Variants in METTL8 observed in about 807,000 individuals in gnomAD.
METTL8 encodes the protein methyltransferase 8, tRNA N3-cytidine.
A neutral mutation model predicts 48.7 loss-of-function variants in METTL8; 32 were observed. That is an observed-to-expected ratio of 0.66 (90% CI 0.50 to 0.88). The LOEUF is 0.88. METTL8 is among the 40% of genes least tolerant of loss of function. The pLI, the probability that METTL8 is intolerant of heterozygous loss-of-function variation, is 0.00. For synonymous variants in METTL8, 136 were observed against 157.1 expected, an observed-to-expected ratio of 0.87 and a Z score of 1.01; for missense variants, 464 against 474.4, an observed-to-expected ratio of 0.98 and a Z score of 0.20.
intron 5 of METTL8, among the ~76,000 whole-genome samples, chr2:171,335,681 T>G (rs1686012408): frequency 1.3e-5 from 2 of 152,148 alleles, no homozygotes; most frequent in African/African-American, 4.8e-5. Flanking sequence ...TGCCTCGTCC[T>G]CCCAAAGTGC....
chr2:171,328,243 G>A (rs1482726284), intron 7 of METTL8, among the ~76,000 whole-genome samples: 2 of 151,978 alleles, frequency 1.3e-5, no homozygotes, highest in African/African-American at 2.4e-5. Context: ...GATAAAAAAT[G>A]TATTGACTGC....
intron 1 of METTL8, among the ~76,000 whole-genome samples, chr2:171,408,463 T>C (rs1025458452): frequency 1.3e-5 from 2 of 152,080 alleles, no homozygotes; most frequent in Non-Finnish European, 2.9e-5. Context: ...CTTGGCTTTT[T>C]TTATTTTTAG....
chr2:171,427,811 G>GT (rs1157926705), intron 1 of METTL8, among the ~76,000 whole-genome samples: 1 of 152,072 alleles, frequency 6.6e-6, no homozygotes, highest in African/African-American at 2.4e-5. Context: ...CCTCCCACCT[G>GT]TAGGGACCCT....
rs141040145 is a variant in METTL8, at chr2:171,358,717, A to T, written c.235+1705T>A. 1.9e-3 allele frequency among the ~76,000 whole-genome samples: 291 copies of T among 152,118 alleles called. 7 individuals carry two copies. In the East Asian group the frequency reaches 0.029, roughly 15 times the overall value. The stretch of plus-strand genomic sequence containing the variant: ...AACTATGAAATTACTAGAAGAAAAC[A>T]TTGGGGGAAATGCTCCAGGACATTG... On this transcript the variant is annotated intron_variant, in intron 3 of 9. Transcript: ENST00000375258.
rs1362859001 is a variant in METTL8, at chr2:171,318,923, G to A, written c.*5249C>T. The stretch of plus-strand genomic sequence containing the variant: ...TTACTAGATGTGGTATCCTGAGCAA[G>A]TTACCCAACATCTCTTCTGTAAATG... On this transcript the variant is annotated 3_prime_UTR_variant, in exon 10 of 10. Coordinates refer to ENST00000375258, the MANE Select transcript of METTL8 (RefSeq NM_001321154.2). The A allele has an allele frequency of 6.6e-6, 1 of 151,980 alleles. No individual in the cohort carries two copies. The highest frequency in any genetic ancestry group is 1.9e-4 in the East Asian group (1 of 5,190). The allele number at this position is 151,980 out of a possible 1,614,324, so 9.4% of individuals were successfully genotyped here.
intron 7 of METTL8, among the ~76,000 whole-genome samples, chr2:171,329,597 G>C (rs994256095): frequency 3.3e-5 from 5 of 152,164 alleles, no homozygotes; most frequent in African/African-American, 1.2e-4. Flanking sequence ...TACCTCACTA[G>C]GTGCTAAAGT....
intron 3 of METTL8, among the ~76,000 whole-genome samples, chr2:171,341,667 C>G (rs149084588): frequency 5.9e-5 from 9 of 151,918 alleles, no homozygotes; most frequent in Non-Finnish European, 1.2e-4. Context: ...CTACTGTAGA[C>G]GCATGCCATT....
Position 171,337,427 on chromosome 2 carries a change from GTAGA to G in METTL8, c.656+22_656+25del, listed in dbSNP as rs762337522. 3.4e-5 allele frequency: 53 copies of G among 1,543,490 alleles called. No individual in the cohort carries two copies. In the African/African-American group the frequency reaches 7.2e-4, roughly 21 times the overall value. On this transcript the variant is annotated intron_variant, in intron 5 of 9. Coordinates refer to ENST00000375258, the MANE Select transcript of METTL8 (RefSeq NM_001321154.2). ...ACATTCCATAAATATGTAAAATTCT[GTAGA>G]AAGAAAACTCTTAAAACTCACTCCA...
At chr2:171,338,731 G>C (rs1244446068) in intron 4 of METTL8, among the ~76,000 whole-genome samples, 3 of 151,668 alleles carry the variant, frequency 2.0e-5, no homozygotes, top group African/African-American at 4.8e-5. Flanking sequence ...TTATCTCCTT[G>C]TTAGCAAATT....
intron 1 of METTL8, among the ~76,000 whole-genome samples, chr2:171,431,762 TG>T (rs1288743645): frequency 6.6e-6 from 1 of 151,640 alleles, no homozygotes; most frequent in Non-Finnish European, 1.5e-5. Flanking sequence ...TGGGCGGGAG[TG>T]GGGTAACAGG....
intron 1 of METTL8, among the ~76,000 whole-genome samples, chr2:171,420,038 G>A (rs1691715997): frequency 6.6e-6 from 1 of 151,772 alleles, no homozygotes; most frequent in South Asian, 2.1e-4. Context: ...CCAAGCAGAT[G>A]ACTGAGTAAA....
intron 1 of METTL8, among the ~76,000 whole-genome samples, chr2:171,413,653 C>A (rs1690976815): frequency 6.6e-6 from 1 of 151,988 alleles, no homozygotes; most frequent in Non-Finnish European, 1.5e-5. Context: ...AGCTACAAGC[C>A]ACATAAACAA....
Position 171,359,173 on chromosome 2 carries a change from C to CAAA in METTL8, c.235+1246_235+1248dup, listed in dbSNP as rs57742852. Among the ~76,000 whole-genome samples, 123 of 109,524 alleles carry CAAA rather than the reference C, an allele frequency of 1.1e-3. 1 individual carries two copies. Among genetic ancestry groups the CAAA allele is most frequent in the South Asian group, 4.3e-3 (14 of 3,226 alleles). 71.9% of individuals were successfully genotyped at this position (109,524 alleles called of 152,430 possible). A position where few individuals can be genotyped will look rare whatever the true frequency, so the allele number is the denominator to read the frequency against. On this transcript the variant is annotated intron_variant, in intron 3 of 9. Coordinates refer to ENST00000375258, the MANE Select transcript of METTL8 (RefSeq NM_001321154.2). ...CAGACTGGGCAACAAGACCCTGTCT[C>CAAA]AAAAAAAAAAAAAAAAATGGCAAAA...
At chr2:171,389,215 A>C (rs1688355277) in intron 2 of METTL8, among the ~76,000 whole-genome samples, 1 of 152,166 alleles carries the variant, frequency 6.6e-6, no homozygotes. Context: ...AAGTTCTTAA[A>C]GGAAATTAAA....
At chr2:171,387,586 C>CAT (rs983721108) in intron 2 of METTL8, among the ~76,000 whole-genome samples, 4 of 150,792 alleles carry the variant, frequency 2.7e-5, no homozygotes, top group South Asian at 2.1e-4. Flanking sequence ...TATGTATGTG[C>CAT]ATATATATAT....
chr2:171,371,360 ATTAAT>A (rs1275799574), intron 2 of METTL8, among the ~76,000 whole-genome samples: 18 of 151,906 alleles, frequency 1.2e-4, no homozygotes, highest in Admixed American at 1.2e-3. Context: ...ATTTTTCATT[ATTAAT>A]TTATTTTTTG....
chr2:171,393,447 A>AGAG (rs1013663032), intron 1 of METTL8, among the ~76,000 whole-genome samples: 3 of 151,082 alleles, frequency 2.0e-5, no homozygotes, highest in Non-Finnish European at 4.4e-5. Flanking sequence ...CCCTAGCTCA[A>AGAG]GAGGAGAATC....
chr2:171,400,073 G>A (rs773721214), intron 1 of METTL8, among the ~76,000 whole-genome samples: 1 of 151,768 alleles, frequency 6.6e-6, no homozygotes, highest in Non-Finnish European at 1.5e-5. Context: ...TTTACCATGT[G>A]TGATGACCTA....
chr2:171,367,612 G>T (rs1685857283), intron 2 of METTL8, among the ~76,000 whole-genome samples: 3 of 152,104 alleles, frequency 2.0e-5, no homozygotes, highest in Non-Finnish European at 4.4e-5. Context: ...TGGTAAATAT[G>T]TGGGTAATTA....
Sources: allele counts gnomAD v4.1 joint callset (sites outside exome capture counted in the v4.1 genomes callset), GRCh38; gene constraint gnomAD v4.1.1; transcripts MANE v1.5; gene names NCBI Gene and HGNC (gene_info 2026-07-23, HGNC 2026-07-21).